GRID2: variants seen among roughly 807,000 people sequenced by gnomAD.
GRID2 encodes the protein glutamate receptor ionotropic, delta-2.
Under a neutral mutation model 114.8 loss-of-function variants are expected in GRID2, and 33 were observed. That is an observed-to-expected ratio of 0.29 (90% CI 0.22 to 0.38). The LOEUF (loss-of-function observed/expected upper bound fraction) is 0.38, where lower values mean the gene tolerates loss of function less well. GRID2 is among the 10% of genes least tolerant of loss of function. The probability of loss-of-function intolerance (pLI) is 1.00; values close to 1 mark genes in which losing one functional copy is unlikely to be tolerated. For missense variants in GRID2, 1,184 were observed against 1,257.7 expected (o/e 0.94, Z 0.89); for synonymous variants, 505 against 449.9 (o/e 1.12, Z -1.55).
At chr4:92,787,435 A>AAAAAAGAGGAG in intron 2 of GRID2, among the ~76,000 whole-genome samples, 1 of 151,650 alleles carries the variant, frequency 6.6e-6, no homozygotes, top group East Asian at 2.0e-4. Flanking sequence ...TACATTTTAG[A>AAAAAAGAGGAG]AAAAAGAGGA....
At chr4:92,823,526 G>C (rs1741445798) in intron 2 of GRID2, among the ~76,000 whole-genome samples, 1 of 151,866 alleles carries the variant, frequency 6.6e-6, no homozygotes, top group South Asian at 2.1e-4. Context: ...TGGCAACACG[G>C]GTCTGTTTGA....
chr4:93,723,741 C>T (rs1486110815), intron 14 of GRID2, among the ~76,000 whole-genome samples: 1 of 152,138 alleles, frequency 6.6e-6, no homozygotes, highest in Non-Finnish European at 1.5e-5. Flanking sequence ...TTATTACCTG[C>T]CCTCTGTGCA....
chr4:92,644,985 AT>A (rs1731540101), intron 2 of GRID2, among the ~76,000 whole-genome samples: 1 of 151,436 alleles, frequency 6.6e-6, no homozygotes, highest in African/African-American at 2.4e-5. Flanking sequence ...ATTAAGGAAT[AT>A]TTTTAACATA....
At chr4:93,764,392 C>G (rs900488759) in intron 14 of GRID2, among the ~76,000 whole-genome samples, 1 of 152,092 alleles carries the variant, frequency 6.6e-6, no homozygotes, top group African/African-American at 2.4e-5. Flanking sequence ...ATCAATCATT[C>G]ATTGATCATA....
chr4:92,886,592 T>G (rs1359661774), intron 2 of GRID2, among the ~76,000 whole-genome samples: 1 of 151,936 alleles, frequency 6.6e-6, no homozygotes, highest in Non-Finnish European at 1.5e-5. Context: ...ATTATTATTA[T>G]TTTAAATTTA....
At chr4:92,572,428 G>A (rs921682358) in intron 1 of GRID2, among the ~76,000 whole-genome samples, 2 of 152,046 alleles carry the variant, frequency 1.3e-5, no homozygotes. Context: ...AGGACCAGAA[G>A]GATTCACAGC....
intron 13 of GRID2, among the ~76,000 whole-genome samples, chr4:93,582,212 A>C (rs1737052044): frequency 6.6e-6 from 1 of 152,096 alleles, no homozygotes; most frequent in Non-Finnish European, 1.5e-5. Context: ...AGTCACCTAC[A>C]TTTCTGAACT....
intron 2 of GRID2, among the ~76,000 whole-genome samples, chr4:92,748,116 A>G (rs901748184): frequency 3.9e-5 from 6 of 152,178 alleles, no homozygotes; most frequent in African/African-American, 1.2e-4. Flanking sequence ...GGACCCTGAT[A>G]CCAGTAGTCA....
intron 2 of GRID2, among the ~76,000 whole-genome samples, chr4:92,887,940 C>G (rs1746490017): frequency 6.6e-6 from 1 of 152,192 alleles, no homozygotes; most frequent in South Asian, 2.1e-4. Context: ...CATGCACACA[C>G]TGTTTCTATA....
intron 4 of GRID2, among the ~76,000 whole-genome samples, chr4:93,124,662 A>G (rs955047282): frequency 3.3e-5 from 5 of 152,182 alleles, no homozygotes; most frequent in Non-Finnish European, 5.9e-5. Context: ...TTTGTAGAGA[A>G]CCAGATTTTA....
intron 1 of GRID2, among the ~76,000 whole-genome samples, chr4:92,336,070 C>A (rs146035085): frequency 1.4e-4 from 21 of 152,234 alleles, no homozygotes; most frequent in African/African-American, 4.6e-4. Context: ...ATTACATACA[C>A]ACAAATATTT....
intron 13 of GRID2, among the ~76,000 whole-genome samples, chr4:93,555,180 G>A (rs1327249381): frequency 1.3e-5 from 2 of 152,144 alleles, no homozygotes; most frequent in Non-Finnish European, 2.9e-5. Context: ...AAACTGGGTG[G>A]CCACTTGGGC....
At chr4:93,004,497 A>G (rs1348817339) in intron 2 of GRID2, among the ~76,000 whole-genome samples, 6 of 152,016 alleles carry the variant, frequency 3.9e-5, no homozygotes, top group Non-Finnish European at 8.8e-5. Context: ...TGTTCCTGCA[A>G]TTATCCCCCT....
At chr4:93,103,384 T>C (rs888627866) in intron 3 of GRID2, among the ~76,000 whole-genome samples, 1 of 152,088 alleles carries the variant, frequency 6.6e-6, no homozygotes, top group African/African-American at 2.4e-5. Context: ...CCTAACCTTC[T>C]ACAGTTAATC....
intron 1 of GRID2, among the ~76,000 whole-genome samples, chr4:92,448,842 T>C (rs1720731642): frequency 1.3e-5 from 2 of 152,124 alleles, no homozygotes; most frequent in Non-Finnish European, 2.9e-5. Flanking sequence ...TTAAAGGAAC[T>C]AATACATAAA....
chr4:92,755,216 C>G (rs74643534), intron 2 of GRID2, among the ~76,000 whole-genome samples: 3,461 of 152,222 alleles, frequency 0.023, 99 homozygotes, highest in East Asian at 0.12. Flanking sequence ...GAATGTTAAA[C>G]TTTGTTTCTG....
In GRID2 at chr4:93,798,583, T is replaced by A. The variant is rs151157166; in HGVS notation, c.222-8132T>A. Among the ~76,000 whole-genome samples, 21 of 152,322 alleles carry A rather than the reference T, an allele frequency of 1.4e-4. No homozygotes were observed. In the East Asian group the frequency reaches 4.1e-3, roughly 29 times the overall value. On this transcript the variant is annotated intron_variant, in intron 1 of 1. Transcript: ENST00000637838. ...AGGGCATGCATTTATGCACATCATA[T>A]TAAATACATATGTACCAGGTGCATC...
intron 14 of GRID2, among the ~76,000 whole-genome samples, chr4:93,704,444 G>T (rs567979986): frequency 1.2e-4 from 18 of 152,202 alleles, no homozygotes; most frequent in South Asian, 4.2e-4. Context: ...CATTCTGTAG[G>T]TTGCCTGTTC....
intron 4 of GRID2, among the ~76,000 whole-genome samples, chr4:93,139,902 G>A: frequency 6.6e-6 from 1 of 152,252 alleles, no homozygotes; most frequent in African/African-American, 2.4e-5. Flanking sequence ...TATAAAATAT[G>A]TCTGGATCCT....
Sources: gnomAD v4.1 joint callset for allele counts (sites outside exome capture counted in the v4.1 genomes callset) on GRCh38, gnomAD v4.1.1 for gene constraint, MANE v1.5 for transcripts, NCBI Gene and HGNC (gene_info 2026-07-23, HGNC 2026-07-21) for gene names.